The following ACADS variants were observed in gnomAD, a reference collection of about 807,000 sequenced individuals.
The protein encoded by ACADS is acyl-CoA dehydrogenase short chain.
Under a neutral mutation model 46.8 loss-of-function variants are expected in ACADS, and 28 were observed. The ratio of observed to expected loss-of-function variants is 0.60; its 90% CI spans 0.44 to 0.82. The LOEUF is 0.82. Ranked by LOEUF, ACADS falls within the 40% of genes least tolerant of loss-of-function variation. ACADS has a pLI of 0.00. For missense variants in ACADS, 528 were observed against 578.0 expected (o/e 0.91, Z 0.89); for synonymous variants, 236 against 237.7 (o/e 0.99, Z 0.07).
At chr12:120,726,009 C>T (rs886316739) in intron 1 of ACADS, 78 bp downstream of exon 1, 5 of 1,389,058 alleles carry the variant, frequency 3.6e-6, no homozygotes, top group Non-Finnish European at 4.7e-6. Context: ...GCGGCCGGCT[C>T]TGTCAGAGCC....
intron 2 of ACADS, among the ~76,000 whole-genome samples, chr12:120,735,164 C>T (rs1270529687): frequency 3.1e-5 from 4 of 130,660 alleles, no homozygotes; most frequent in African/African-American, 5.8e-5. Context: ...CCCAGCTACT[C>T]GGGAGGCTGA....
intron 2 of ACADS, among the ~76,000 whole-genome samples, chr12:120,731,110 G>A (rs1883234735): frequency 6.6e-6 from 1 of 151,978 alleles, no homozygotes; most frequent in Admixed American, 6.6e-5. Flanking sequence ...GCACCGCCAT[G>A]CCTGGCTCAT....
chr12:120,726,937 CA>C, intron 1 of ACADS, 88 bp from the exon 2 acceptor site: 2 of 1,508,214 alleles, frequency 1.3e-6, no homozygotes, highest in Non-Finnish European at 9.2e-7. Context: ...CCTTGGAGGG[CA>C]AAATCCTCCC....
chr12:120,729,569 C>T (rs972777384), intron 2 of ACADS, among the ~76,000 whole-genome samples: 1 of 152,082 alleles, frequency 6.6e-6, no homozygotes, highest in Non-Finnish European at 1.5e-5. Context: ...TTTTGGGTTT[C>T]TCCTTTTTGA....
intron 2 of ACADS, among the ~76,000 whole-genome samples, chr12:120,733,249 G>A (rs1212780600): frequency 5.3e-5 from 8 of 151,830 alleles, no homozygotes; most frequent in Admixed American, 5.3e-4. Flanking sequence ...GAGAGGGAGA[G>A]GGAGAGGGAG....
At chr12:120,730,301 A>G (rs914087653) in intron 2 of ACADS, among the ~76,000 whole-genome samples, 1 of 152,186 alleles carries the variant, frequency 6.6e-6, no homozygotes, top group Non-Finnish European at 1.5e-5. Flanking sequence ...GTAAAAGAAA[A>G]TGCTGATGGT....
In ACADS at chr12:120,738,354, C is replaced by T. The variant is rs1293746206; in HGVS notation, c.699C>T (p.Ile233=). The change falls in exon 6 of 10, where the codon ATC becomes ATT. Residue 233 remains isoleucine (I), a synonymous_variant. Coordinates refer to ENST00000242592, the MANE Select transcript of ACADS (RefSeq NM_000017.4). ...TLGKKEDKLG[I]RGSSTANLIF... ...GGAAGAAAGAAGACAAGCTGGGCATCCGGGGCTCATCCACGGCCAACCTCA... is the reference window on the plus strand; with the variant it reads ...GGAAGAAAGAAGACAAGCTGGGCATTCGGGGCTCATCCACGGCCAACCTCA... 4.3e-6 allele frequency: 7 copies of T among 1,614,216 alleles called. No individual in the cohort carries two copies. The highest frequency in any genetic ancestry group is 5.9e-6 in the Non-Finnish European group (7 of 1,180,042).
In ACADS at chr12:120,738,605, GC is replaced by G; in HGVS notation, c.869del (p.Ala290ValfsTer2). ...CATTGCCCAGACCGCCCTCGATTGT[GC>G]TGTGAACTACGCTGAGAATCGCATG... ...LGIAQTALDC[A>X]VNYAENRMAF... On this transcript the variant is annotated frameshift_variant, in exon 7 of 10. Transcript: ENST00000242592. LOFTEE classifies it high-confidence loss of function. The G allele has an allele frequency of 6.2e-7, 1 of 1,613,306 alleles. No homozygotes were observed. The highest frequency in any genetic ancestry group is 1.7e-5 in the Admixed American group (1 of 60,034).
chr12:120,734,893 A>G (rs1367415051), intron 2 of ACADS, among the ~76,000 whole-genome samples: 1 of 150,556 alleles, frequency 6.6e-6, no homozygotes, highest in African/African-American at 2.4e-5. Context: ...CTGGGATTAC[A>G]GGCACCCGCC....
At chr12:120,737,596 G>A in intron 4 of ACADS, 129 bp downstream of exon 4, 1 of 1,109,526 alleles carries the variant, frequency 9.0e-7, no homozygotes, top group Non-Finnish European at 1.3e-6. Flanking sequence ...GGTAGGGTGA[G>A]CGCTCTTGCC....
At position 120,728,965 on chromosome 12, in the gene ACADS, T is replaced by C. The variant is rs1448445631; in HGVS notation, c.210+1776T>C. The stretch of plus-strand genomic sequence containing the variant: ...TTTCTTACGGTTTCTCTTGGGAGTC[T>C]GGAGACCACCAGGCTCAGCCTCATC... On this transcript the variant is annotated intron_variant, in intron 2 of 9. Transcript: ENST00000242592. The surrounding 1 kb of genome is among the most constrained non-coding windows in gnomAD (Gnocchi z 4.0). Among the ~76,000 whole-genome samples, 1 of 152,232 alleles carries C rather than the reference T, an allele frequency of 6.6e-6. No homozygotes were observed. The highest frequency in any genetic ancestry group is 1.5e-5 in the Non-Finnish European group (1 of 68,046).
chr12:120,737,282 C>G, intron 3 of ACADS, 74 bp from the exon 4 acceptor site: 3 of 1,546,242 alleles, frequency 1.9e-6, no homozygotes, highest in Admixed American at 1.9e-5. Context: ...AGAACAGGCC[C>G]TGAGGTGCAG....
In ACADS at chr12:120,739,423, A is replaced by G; in HGVS notation, c.1214A>G (p.His405Arg). 2 of 1,611,540 alleles carry G rather than the reference A, an allele frequency of 1.2e-6. No individual in the cohort carries two copies. Among genetic ancestry groups the G allele is most frequent in the South Asian group, 2.2e-5 (2 of 91,070 alleles). The change falls in exon 10 of 10, where the codon CAT (histidine) becomes CGT (arginine). Residue 405 changes from histidine (H) to arginine (R), a missense_variant. His to Arg is a conservative substitution (Grantham distance 29). Transcript: ENST00000242592. ...SEIQRLVIAG[H>R]LLRSYRS Reference sequence around the variant, plus strand: ...ATCCAGCGGCTGGTGATCGCCGGGCATCTGCTCAGGAGCTACCGGAGCTGA... The same window carrying G: ...ATCCAGCGGCTGGTGATCGCCGGGCGTCTGCTCAGGAGCTACCGGAGCTGA...
At chr12:120,737,765 G>A (rs1184422313) in intron 4 of ACADS, 72 bp from the exon 5 acceptor site, 6 of 1,602,174 alleles carry the variant, frequency 3.7e-6, no homozygotes, top group Admixed American at 1.7e-5. Flanking sequence ...CAGGGGTGTG[G>A]AGGGAGTGAG....
chr12:120,737,832 G>A lies in ACADS; in HGVS notation c.473-5G>A, dbSNP rs2136949081. 6.2e-7 allele frequency: 1 copy of A among 1,613,992 alleles called. No homozygotes were observed. Among genetic ancestry groups the A allele is most frequent in the Non-Finnish European group, 8.5e-7 (1 of 1,179,914 alleles). ...GTGCGCTGAGCCCTGGGTCTGTGTGGGCAGGGAACGGCAGTGATGCAGGAG... is the reference window on the plus strand; with the variant it reads ...GTGCGCTGAGCCCTGGGTCTGTGTGAGCAGGGAACGGCAGTGATGCAGGAG... On this transcript the variant is annotated splice_region_variant and splice_polypyrimidine_tract_variant and intron_variant, in intron 4 of 9. Transcript: ENST00000242592.
Position 120,739,055 on chromosome 12 carries a change from C to T in ACADS, c.1030-85C>T, listed in dbSNP as rs1049568378. 1.9e-6 allele frequency: 3 copies of T among 1,594,924 alleles called. No homozygotes were observed. In the African/African-American group the frequency reaches 4.0e-5, roughly 21 times the overall value. ...TTTACAGCCCCATGGGGAGGCTCCA[C>T]AGGCCTCCCCTGCTGAGGGAGTGGG... On this transcript the variant is annotated intron_variant, in intron 8 of 9. Transcript: ENST00000242592.
At chr12:120,734,828 T>G (rs998711598) in intron 2 of ACADS, among the ~76,000 whole-genome samples, 3 of 150,530 alleles carry the variant, frequency 2.0e-5, no homozygotes, top group African/African-American at 7.4e-5. Flanking sequence ...CTCGGTTCAC[T>G]GCAACCTCTT....
rs1464175852 is a variant in ACADS, at chr12:120,728,767, A to T, written c.210+1578A>T. Among the ~76,000 whole-genome samples the T allele has an allele frequency of 1.3e-5, 2 of 151,976 alleles. No individual in the cohort carries two copies. The highest frequency in any genetic ancestry group is 2.9e-5 in the Non-Finnish European group (2 of 67,984). ...GGCAATCCACCCGCCTCGGCCTCGC[A>T]AAGTGCTGGGATTACAGGCGTGAGC... On this transcript the variant is annotated intron_variant, in intron 2 of 9. Transcript: ENST00000242592. This position sits in a 1 kb window ranked among gnomAD's most constrained non-coding sequence, Gnocchi z 4.0.
chr12:120,734,753 A>ATTTTTTTTTTT (rs34601782), intron 2 of ACADS, among the ~76,000 whole-genome samples: 1 of 136,864 alleles, frequency 7.3e-6, no homozygotes, highest in African/African-American at 2.8e-5. Context: ...AAAAACAATA[A>ATTTTTTTTTTT]TTTTTTTTTT....
Sources: gnomAD v4.1 joint callset for allele counts (sites outside exome capture counted in the v4.1 genomes callset) on GRCh38, gnomAD v4.1.1 for gene constraint, Gnocchi (gnomAD v3.1) non-coding constraint, MANE v1.5 for transcripts, NCBI Gene and HGNC (gene_info 2026-07-23, HGNC 2026-07-21) for gene names.